ERAP1: variants seen among roughly 807,000 people sequenced by gnomAD.
ERAP1 encodes the protein adipocyte-derived leucine aminopeptidase.
ERAP1 carries 86 observed loss-of-function variants against 103.7 expected under a neutral mutation model. The observed-to-expected ratio is 0.83, with a 90% CI of 0.70 to 0.99. The LOEUF (loss-of-function observed/expected upper bound fraction) is 0.99. Among genes scored for constraint, ERAP1 ranks in the 50% least tolerant of loss-of-function variants. ERAP1 has a pLI of 0.00. For missense variants in ERAP1, 1,009 were observed against 1,128.4 expected (o/e 0.89, Z 1.52); for synonymous variants, 398 against 402.4 (o/e 0.99, Z 0.13).
In ERAP1 at chr5:96,785,825, G is replaced by A. The variant is rs750820496; in HGVS notation, c.1906C>T (p.Arg636Trp). ...AATGCATTGTTAATGAGACTCGCCC[G>A]ATCATTACTGCTGACTGCTGTGTGT... Reference protein sequence around the residue: ...GTHTAVSSNDRASLINNAFQL... With the variant: ...GTHTAVSSNDWASLINNAFQL... The change falls in exon 13 of 19, where the codon CGG (arginine) becomes TGG (tryptophan). Residue 636 changes from arginine (R) to tryptophan (W), a missense_variant. By Grantham distance (101) the Arg-to-Trp change is moderately radical. Transcript: ENST00000443439. 21 of 1,614,110 alleles carry A rather than the reference G, an allele frequency of 1.3e-5. No homozygotes were observed. Among genetic ancestry groups the A allele is most frequent in the South Asian group, 3.3e-5 (3 of 91,072 alleles).
At chr5:96,896,873 A>G in the ERAP1 span, 6 of 1,569,204 alleles carry the variant, frequency 3.8e-6, no homozygotes, top group South Asian at 6.0e-5. Flanking sequence ...TGTAAGTCAT[A>G]TGTTGGGTAA....
Position 96,775,740 on chromosome 5 carries a change from T to G in ERAP1, c.*656A>C, listed in dbSNP as rs531851445. The G allele has an allele frequency of 4.9e-6, 1 of 203,550 alleles. No homozygotes were observed. The highest frequency in any genetic ancestry group is 1.7e-4 in the South Asian group (1 of 5,840). The allele number at this position is 203,550 out of a possible 1,614,324, so 12.6% of individuals were successfully genotyped here. ...GGAAAAGAGGGTCCCCTCTCGGAGC[T>G]AAGACCCTCAGGGGAGGCCAGCCCG... On this transcript the variant is annotated 3_prime_UTR_variant, in exon 19 of 19. Transcript: ENST00000443439.
At chr5:96,771,619 C>T (rs759683388), downstream of ERAP1, 12 of 1,600,496 alleles carry the variant, frequency 7.5e-6, no homozygotes, top group African/African-American at 2.7e-5. Context: ...AGAAAGCTCA[C>T]GGATGGTTTT....
rs78649652 is a variant in ERAP1 at position 96,788,670 on chromosome 5, C to T, written c.1540G>A (p.Gly514Arg). The T allele has an allele frequency of 9.7e-3, 15,641 of 1,614,098 alleles. 91 individuals are homozygous for T. The highest frequency in any genetic ancestry group is 0.012 in the Non-Finnish European group (13,697 of 1,180,018). The change falls in exon 11 of 19, where the codon GGG (glycine) becomes AGG (arginine). Residue 514 changes from glycine (G) to arginine (R), a missense_variant. Physicochemically the swap from Gly to Arg is moderately radical, Grantham distance 125. Transcript: ENST00000443439. ...SSSSSHWHQE[G>R]VDVKTMMNTW... The stretch of plus-strand genomic sequence containing the variant: ...TTCATCATGGTTTTCACATCCACCC[C>T]TTCCTGATGCCAATGCTGGTGTGTA...
chr5:96,892,422 C>G, the ERAP1 span: 1 of 1,613,996 alleles, frequency 6.2e-7, no homozygotes, highest in South Asian at 1.1e-5. Flanking sequence ...CTGTGGGTCA[C>G]CAGAGTCATA....
chr5:96,915,723 T>A, the ERAP1 span: 1 of 1,598,978 alleles, frequency 6.3e-7, no homozygotes, highest in Non-Finnish European at 8.5e-7. Context: ...AGGATGATCA[T>A]CTCTGGCACA....
Position 96,765,363 on chromosome 5 carries a change from A to AG in ERAP1, c.2819-2136dup. ...AAAAAAAAAAAAAAAATTCACTAAT[A>AG]GTGAAATTTTAATCCTTGGGTCTTG... On this transcript the variant is annotated intron_variant, in intron 19 of 19. Transcript: ENST00000296754. The AG allele has an allele frequency of 3.4e-6, 3 of 881,742 alleles. 1 individual carries two copies. Among genetic ancestry groups the AG allele is most frequent in the Non-Finnish European group, 4.9e-6 (3 of 614,314 alleles). 54.6% of individuals were successfully genotyped at this position (881,742 alleles called of 1,614,324 possible).
the ERAP1 span, chr5:96,873,773 C>T: frequency 3.6e-6 from 1 of 279,806 alleles, no homozygotes; most frequent in Non-Finnish European, 7.2e-6. Flanking sequence ...GCAGGCTCTG[C>T]TCTATACTGG....
At chr5:96,808,989 T>TTGTCC (rs1778984547), upstream of ERAP1, among the ~76,000 whole-genome samples, 5 of 152,130 alleles carry the variant, frequency 3.3e-5, no homozygotes, top group South Asian at 1.0e-3. Flanking sequence ...GGGCTGTTGG[T>TTGTCC]TGTCCATTTT....
the ERAP1 span, chr5:96,889,627 T>C: frequency 9.4e-6 from 6 of 640,034 alleles, no homozygotes; most frequent in Non-Finnish European, 1.7e-5. Flanking sequence ...AGGAAAGAGA[T>C]GGGGAGAAAA....
At chr5:96,883,442 G>C in the ERAP1 span, among the ~76,000 whole-genome samples, 2 of 152,152 alleles carry the variant, frequency 1.3e-5, no homozygotes, top group African/African-American at 2.4e-5. Flanking sequence ...ATTTCCTAGT[G>C]AATTTTGAAG....
chr5:96,863,683 T>C, the ERAP1 span, among the ~76,000 whole-genome samples: 1 of 152,222 alleles, frequency 6.6e-6, no homozygotes, highest in East Asian at 1.9e-4. Context: ...AATTCCTACC[T>C]GATTTTTTCA....
At position 96,790,288 on chromosome 5, in the gene ERAP1, A is replaced by G; in HGVS notation, c.1524+8T>C. On this transcript the variant is annotated splice_region_variant and intron_variant, in intron 10 of 18. Coordinates refer to ENST00000443439, the MANE Select transcript of ERAP1 (RefSeq NM_001040458.3). The stretch of plus-strand genomic sequence containing the variant: ...CTTGGGGGAACATGTACAGATATAG[A>G]AACTTACTGAGGATGAAGATGAATG... The G allele has an allele frequency of 6.2e-7, 1 of 1,613,588 alleles. No individual in the cohort carries two copies. The highest frequency in any genetic ancestry group is 8.5e-7 in the Non-Finnish European group (1 of 1,179,510).
chr5:96,814,502 G>A, the ERAP1 span, among the ~76,000 whole-genome samples: 1 of 152,136 alleles, frequency 6.6e-6, no homozygotes, highest in Non-Finnish European at 1.5e-5. Flanking sequence ...ACTGGTGAGT[G>A]GATAATTGGG....
the ERAP1 span, among the ~76,000 whole-genome samples, chr5:96,891,763 G>A: frequency 0.021 from 3,197 of 152,096 alleles, 52 homozygotes; most frequent in Non-Finnish European, 0.036. Context: ...AAGAACATGT[G>A]CTCATAATAG....
chr5:96,929,670 G>A, the ERAP1 span, among the ~76,000 whole-genome samples: 3 of 152,124 alleles, frequency 2.0e-5, no homozygotes, highest in African/African-American at 7.2e-5. Context: ...TATGTTCTCA[G>A]GATCTCCTGG....
chr5:96,827,344 T>C, the ERAP1 span, among the ~76,000 whole-genome samples: 1 of 152,146 alleles, frequency 6.6e-6, no homozygotes, highest in Non-Finnish European at 1.5e-5. Context: ...AAAATAAAAT[T>C]GAAATGCTTC....
At chr5:96,891,578 C>T in the ERAP1 span, among the ~76,000 whole-genome samples, 22 of 150,464 alleles carry the variant, frequency 1.5e-4, no homozygotes, top group Non-Finnish European at 2.2e-4. Context: ...ATGGTACACA[C>T]ACACACACAC....
chr5:96,793,408 G>T lies in ERAP1; in HGVS notation c.1180C>A (p.Leu394Met), dbSNP rs1352860558. ...GATAAATAACTACTTACAACTTTCA[G>T]TTCAGGATGGGTCACACTGACAGAC... is the stretch of plus-strand genomic sequence containing the variant. ...FVSVSVTHPELKVGDYFFGKC... is the reference protein window; with the variant it reads ...FVSVSVTHPEMKVGDYFFGKC... The change falls in exon 7 of 19, where the codon CTG (leucine) becomes ATG (methionine). Residue 394 changes from leucine to methionine, a missense_variant. Leu to Met is a conservative substitution (Grantham distance 15). Around this residue, in one of 3 missense-constraint regions of ERAP1, gnomAD observed 6 missense variants for 21.5 expected, o/e 0.28. Coordinates refer to ENST00000443439, the MANE Select transcript of ERAP1 (RefSeq NM_001040458.3). 1 of 1,611,654 alleles carries T rather than the reference G, an allele frequency of 6.2e-7. No homozygotes were observed. The highest frequency in any genetic ancestry group is 1.7e-5 in the Admixed American group (1 of 59,984).
Sources: gnomAD v4.1 joint callset for allele counts (sites outside exome capture counted in the v4.1 genomes callset) on GRCh38, gnomAD v4.1.1 for gene constraint, gnomAD v4.1.1 regional missense constraint, MANE v1.5 for transcripts, NCBI Gene and HGNC (gene_info 2026-07-23, HGNC 2026-07-21) for gene names.